The following SPAG16 variants were observed in gnomAD, a reference collection of about 807,000 sequenced individuals.
SPAG16 encodes sperm associated antigen 16, also known as sperm-associated antigen 16 protein.
A neutral mutation model predicts 80.4 loss-of-function variants in SPAG16; 86 were observed. The observed-to-expected ratio is 1.07, with a 90% CI of 0.90 to 1.28. The LOEUF is 1.28. Among genes scored for constraint, SPAG16 ranks in the 50% most tolerant of loss-of-function variants. SPAG16 has a pLI of 0.00. For synonymous variants in SPAG16, 294 were observed against 265.9 expected (o/e 1.11, Z -1.03); for missense variants, 870 against 765.3 (o/e 1.14, Z -1.61).
chr2:213,616,280 T>C (rs1379075099), intron 10 of SPAG16, among the ~76,000 whole-genome samples: 1 of 152,384 alleles, frequency 6.6e-6, no homozygotes, highest in South Asian at 2.1e-4. Context: ...CAAATTGTTC[T>C]AATTTTACTG....
intron 13 of SPAG16, among the ~76,000 whole-genome samples, chr2:214,087,151 T>C (rs2051823272): frequency 1.3e-5 from 2 of 152,246 alleles, no homozygotes; most frequent in East Asian, 3.9e-4. Flanking sequence ...CTTGATTCCA[T>C]TATATAAAGG....
Position 213,732,102 on chromosome 2 carries a change from G to A in SPAG16, c.1071-130383G>A, listed in dbSNP as rs563773294. Among the ~76,000 whole-genome samples the A allele has an allele frequency of 1.3e-4, 20 of 152,270 alleles. 1 individual carries two copies. The highest frequency in any genetic ancestry group is 4.6e-4 in the African/African-American group (19 of 41,564). On this transcript the variant is annotated intron_variant, in intron 10 of 15. Transcript: ENST00000331683. Reference sequence around the variant, plus strand: ...GAGTTGATTTTTGTTGATGGTGTAAGGAAGGGATCCAGTATCAATTTTCTG... The same window carrying A: ...GAGTTGATTTTTGTTGATGGTGTAAAGAAGGGATCCAGTATCAATTTTCTG...
chr2:214,134,954 G>A (rs1048705533), intron 14 of SPAG16, among the ~76,000 whole-genome samples: 19 of 152,086 alleles, frequency 1.2e-4, no homozygotes, highest in Admixed American at 9.8e-4. Context: ...TGCCGTTTTC[G>A]ATAAAAATGA....
At chr2:214,126,029 TCC>T (rs1559822905) in intron 14 of SPAG16, among the ~76,000 whole-genome samples, 1,380 of 47,280 alleles carry the variant, frequency 0.029, 100 homozygotes, top group South Asian at 0.041. Context: ...CTTCCTTCCT[TCC>T]TTCCTTCCTT....
chr2:214,162,963 T>C (rs999926442), intron 15 of SPAG16, among the ~76,000 whole-genome samples: 7 of 152,120 alleles, frequency 4.6e-5, no homozygotes, highest in African/African-American at 1.7e-4. Context: ...AATTGGTTGA[T>C]TCAAAAAATT....
At chr2:213,780,567 C>CTTTTT (rs2069884094) in intron 10 of SPAG16, among the ~76,000 whole-genome samples, 1 of 91,066 alleles carries the variant, frequency 1.1e-5, no homozygotes, top group African/African-American at 3.6e-5. Context: ...TTTTTCTTTT[C>CTTTTT]TTTCTTTTTT....
intron 12 of SPAG16, among the ~76,000 whole-genome samples, chr2:213,993,177 G>A (rs2046363708): frequency 6.6e-6 from 1 of 152,196 alleles, no homozygotes; most frequent in Admixed American, 6.5e-5. Flanking sequence ...AGCAGCTGCT[G>A]CTGACACCCA....
intron 10 of SPAG16, among the ~76,000 whole-genome samples, chr2:213,714,371 C>G (rs1056030372): frequency 6.6e-6 from 1 of 152,164 alleles, no homozygotes; most frequent in African/African-American, 2.4e-5. Context: ...TACAATAATT[C>G]CAGTCAAGAA....
At chr2:213,834,909 G>T (rs142133850) in intron 10 of SPAG16, among the ~76,000 whole-genome samples, 1 of 152,150 alleles carries the variant, frequency 6.6e-6, no homozygotes, top group East Asian at 1.9e-4. Flanking sequence ...TTCTATTCTT[G>T]TGGGGTTGGG....
intron 10 of SPAG16, among the ~76,000 whole-genome samples, chr2:213,792,412 A>G (rs2125611798): frequency 6.6e-6 from 1 of 152,156 alleles, no homozygotes; most frequent in African/African-American, 2.4e-5. Flanking sequence ...TTCAACTTAC[A>G]TTTGCCTCAC....
At chr2:213,876,742 C>G (rs1453042941) in intron 11 of SPAG16, among the ~76,000 whole-genome samples, 1 of 152,056 alleles carries the variant, frequency 6.6e-6, no homozygotes, top group South Asian at 2.1e-4. Context: ...TATTGGCTGG[C>G]CTTGTTTCTT....
rs115579773 is a variant in SPAG16, at chr2:214,100,491, G to A, written c.1528-7705G>A. 2.6e-3 allele frequency among the ~76,000 whole-genome samples: 398 copies of A among 152,026 alleles called. 5 individuals carry two copies. The highest frequency in any genetic ancestry group is 0.011 in the South Asian group (54 of 4,812). ...GATTATTTCATCACCCATGTAATAC[G>A]CATAGTACCTGATAAGTAGTTTTTC... On this transcript the variant is annotated intron_variant, in intron 13 of 15. Coordinates refer to ENST00000331683, the MANE Select transcript of SPAG16 (RefSeq NM_024532.5).
At chr2:213,692,595 G>C (rs1424235678) in intron 10 of SPAG16, among the ~76,000 whole-genome samples, 1 of 152,076 alleles carries the variant, frequency 6.6e-6, no homozygotes, top group Non-Finnish European at 1.5e-5. Context: ...CAGATCACAA[G>C]GTCAGCAGAT....
At chr2:213,360,922 A>G (rs1415966249) in intron 7 of SPAG16, among the ~76,000 whole-genome samples, 15 of 152,196 alleles carry the variant, frequency 9.9e-5, no homozygotes, top group Admixed American at 5.9e-4. Context: ...AAGACATCTT[A>G]TGTTTTCTAG....
chr2:213,321,475 G>A (rs2063605323), intron 5 of SPAG16, among the ~76,000 whole-genome samples: 1 of 152,068 alleles, frequency 6.6e-6, no homozygotes, highest in Non-Finnish European at 1.5e-5. Context: ...GTAAATCACA[G>A]AGTGCTTTGA....
At chr2:213,485,715 A>G (rs1261201651) in intron 9 of SPAG16, among the ~76,000 whole-genome samples, 1 of 152,102 alleles carries the variant, frequency 6.6e-6, no homozygotes, top group African/African-American at 2.4e-5. Flanking sequence ...ATAATTTTTC[A>G]CTTCCACTTA....
intron 15 of SPAG16, among the ~76,000 whole-genome samples, chr2:214,191,972 G>A (rs1360503440): frequency 1.3e-5 from 2 of 151,718 alleles, no homozygotes; most frequent in Non-Finnish European, 2.9e-5. Context: ...ATGAATCATT[G>A]GACATTACTT....
At chr2:213,803,911 T>C (rs1300165474) in intron 10 of SPAG16, among the ~76,000 whole-genome samples, 1 of 151,982 alleles carries the variant, frequency 6.6e-6, no homozygotes, top group Non-Finnish European at 1.5e-5. Flanking sequence ...AGGCCTTGAG[T>C]CTCTAACTTT....
Position 214,061,981 on chromosome 2 carries a change from GCACACACACACACA to G in SPAG16, c.1528-46189_1528-46176del, listed in dbSNP as rs58582439. The stretch of plus-strand genomic sequence containing the variant: ...TAGCATACATAATGAATAAAAGCAT[GCACACACACACACA>G]CACACACACACACACACACACACAC... On this transcript the variant is annotated intron_variant, in intron 13 of 15. Coordinates refer to ENST00000331683, the MANE Select transcript of SPAG16 (RefSeq NM_024532.5). Among the ~76,000 whole-genome samples, 281 of 111,598 alleles carry G rather than the reference GCACACACACACACA, an allele frequency of 2.5e-3. 4 individuals carry two copies. The highest frequency in any genetic ancestry group is 9.1e-3 in the African/African-American group (264 of 28,944). The allele number at this position is 111,598 out of a possible 152,430, so 73.2% of individuals were successfully genotyped here. A position where few individuals can be genotyped will look rare whatever the true frequency, so the allele number is the denominator to read the frequency against.
Sources: allele counts gnomAD v4.1 joint callset (sites outside exome capture counted in the v4.1 genomes callset), GRCh38; gene constraint gnomAD v4.1.1; transcripts MANE v1.5; gene names NCBI Gene and HGNC (gene_info 2026-07-23, HGNC 2026-07-21).